RFX7: variants seen among roughly 807,000 people sequenced by gnomAD.
The protein encoded by RFX7 is DNA-binding protein RFX7.
A neutral mutation model predicts 111.8 loss-of-function variants in RFX7; 26 were observed. The observed-to-expected ratio is 0.23, with a 90% confidence interval of 0.17 to 0.32. The LOEUF is 0.32. RFX7 is among the 10% of genes least tolerant of loss of function. RFX7 has a pLI of 1.00. For synonymous variants in RFX7, 624 were observed against 624.4 expected (o/e 1.00, Z 0.01); for missense variants, 1,573 against 1,772.9 (o/e 0.89, Z 2.02).
At position 56,096,280 on chromosome 15, in the gene RFX7, C is replaced by G. The variant is rs751810871; in HGVS notation, c.1448G>C (p.Ser483Thr). 1.9e-6 allele frequency: 3 copies of G among 1,613,894 alleles called. No individual in the cohort carries two copies. In the South Asian group the frequency reaches 3.3e-5, roughly 18 times the overall value. The change falls in exon 10 of 10, where the codon AGC (serine) becomes ACC (threonine). Residue 483 changes from serine (S) to threonine (T), a missense_variant. By Grantham distance (58) the Ser-to-Thr change is moderately conservative (BLOSUM62 1). Transcript: ENST00000559447. ...ATGTTTAAGAGGGGTGTTACTGTTG[C>G]TGGGTGTGAGGGATATTGTTGTCAT... ...VKMTTISLTP[S>T]NSNTPLKHSA...
At chr15:56,125,430 A>G (rs2042129990) in intron 5 of RFX7, among the ~76,000 whole-genome samples, 1 of 152,118 alleles carries the variant, frequency 6.6e-6, no homozygotes, top group South Asian at 2.1e-4. Flanking sequence ...CAATCTGTAG[A>G]CTGCTCTGGG....
chr15:56,155,018 A>G (rs1470682372), intron 3 of RFX7, among the ~76,000 whole-genome samples: 1 of 152,212 alleles, frequency 6.6e-6, no homozygotes, highest in African/African-American at 2.4e-5. Flanking sequence ...CAACAGACAT[A>G]GGAAAAATGC....
intron 2 of RFX7, among the ~76,000 whole-genome samples, chr15:56,227,477 T>C (rs1415687741): frequency 2.0e-5 from 3 of 152,218 alleles, no homozygotes; most frequent in Admixed American, 1.3e-4. Context: ...TTTTATATGA[T>C]TCCATATTCT....
chr15:56,099,290 TAAC>T (rs1188603389), intron 8 of RFX7, among the ~76,000 whole-genome samples: 5 of 152,132 alleles, frequency 3.3e-5, no homozygotes, highest in South Asian at 4.1e-4. Context: ...TCATTCTAGT[TAAC>T]AACAACAACT....
At chr15:56,180,735 A>C (rs1447610700) in intron 2 of RFX7, among the ~76,000 whole-genome samples, 1 of 142,188 alleles carries the variant, frequency 7.0e-6, no homozygotes, top group African/African-American at 2.7e-5. Flanking sequence ...GTAAAACCCC[A>C]TATCTACTAA....
chr15:56,112,165 G>C (rs2041945413), intron 5 of RFX7, among the ~76,000 whole-genome samples: 1 of 150,662 alleles, frequency 6.6e-6, no homozygotes. Context: ...CTTTTCATTT[G>C]GCAGATGAGA....
chr15:56,129,985 T>G lies in RFX7; in HGVS notation c.401+12793A>C, dbSNP rs181301497. On this transcript the variant is annotated intron_variant, in intron 5 of 9. Transcript: ENST00000559447. ...CTGTAATACAGTTAATTTTCTTATA[T>G]GTACTTGCATTTGCCTAAAATTAAT... is the stretch of plus-strand genomic sequence containing the variant. Among the ~76,000 whole-genome samples the G allele has an allele frequency of 4.5e-3, 678 of 152,310 alleles. 4 individuals are homozygous for G. The highest frequency in any genetic ancestry group is 0.016 in the African/African-American group (657 of 41,570).
intron 2 of RFX7, among the ~76,000 whole-genome samples, chr15:56,180,127 C>T (rs1437445568): frequency 1.3e-5 from 2 of 152,138 alleles, no homozygotes; most frequent in Non-Finnish European, 2.9e-5. Flanking sequence ...AAATTGTCTT[C>T]TGTAAAAAGT....
intron 5 of RFX7, among the ~76,000 whole-genome samples, chr15:56,117,464 A>G (rs763411344): frequency 6.6e-6 from 1 of 152,224 alleles, no homozygotes; most frequent in Admixed American, 6.5e-5. Flanking sequence ...TAGCATATCT[A>G]TCATCTTAAA....
chr15:56,235,277 G>A (rs1378311006), intron 2 of RFX7, among the ~76,000 whole-genome samples: 2 of 151,892 alleles, frequency 1.3e-5, no homozygotes, highest in African/African-American at 4.8e-5. Flanking sequence ...CCAGGTTCAA[G>A]CGATTCTCCT....
At chr15:56,240,449 C>T (rs549954129) in intron 2 of RFX7, among the ~76,000 whole-genome samples, 1 of 152,212 alleles carries the variant, frequency 6.6e-6, no homozygotes, top group African/African-American at 2.4e-5. Context: ...TTTCCAGACT[C>T]ATTTAATGCC....
chr15:56,224,854 T>G (rs2043465339), intron 2 of RFX7, among the ~76,000 whole-genome samples: 1 of 152,120 alleles, frequency 6.6e-6, no homozygotes, highest in Non-Finnish European at 1.5e-5. Flanking sequence ...AACTATGTAT[T>G]CATCTGGAAT....
intron 4 of RFX7, among the ~76,000 whole-genome samples, chr15:56,143,186 C>T (rs1299106947): frequency 6.6e-6 from 1 of 152,082 alleles, no homozygotes; most frequent in Non-Finnish European, 1.5e-5. Flanking sequence ...GGTATCTGCT[C>T]ATGTACTTAC....
intron 2 of RFX7, chr15:56,189,840 G>A (rs2043082494): frequency 6.6e-6 from 1 of 152,160 alleles, no homozygotes; most frequent in Non-Finnish European, 1.5e-5. Flanking sequence ...CCTACCATAA[G>A]TATTTATCCA....
chr15:56,179,683 A>T (rs2042944076), intron 2 of RFX7, among the ~76,000 whole-genome samples: 1 of 151,966 alleles, frequency 6.6e-6, no homozygotes, highest in African/African-American at 2.4e-5. Flanking sequence ...AGCACTTAAA[A>T]GTCATAACGA....
Position 56,243,117 on chromosome 15 carries a change from C to G in RFX7, c.161+8G>C. On this transcript the variant is annotated splice_region_variant and intron_variant, in intron 2 of 9. Transcript: ENST00000559447. ...CTTTTTCACGCGAGCGATGGAGGAT[C>G]CTCTTACCAGATGGAGTTCTTGATC... The G allele has an allele frequency of 7.3e-7, 1 of 1,360,578 alleles. No individual in the cohort carries two copies. Among genetic ancestry groups the G allele is most frequent in the Non-Finnish European group, 9.8e-7 (1 of 1,019,474 alleles). 84.3% of individuals were successfully genotyped at this position (1,360,578 alleles called of 1,614,324 possible). A position where few individuals can be genotyped will look rare whatever the true frequency, so the allele number is the denominator to read the frequency against.
intron 2 of RFX7, among the ~76,000 whole-genome samples, chr15:56,218,944 C>T (rs546481489): frequency 6.6e-6 from 1 of 151,974 alleles, no homozygotes; most frequent in South Asian, 2.1e-4. Flanking sequence ...AGTGAATAAA[C>T]AAATGGAAAT....
chr15:56,208,606 C>T (rs2043279528), intron 2 of RFX7, among the ~76,000 whole-genome samples: 1 of 152,110 alleles, frequency 6.6e-6, no homozygotes, highest in African/African-American at 2.4e-5. Flanking sequence ...TTGCAATTAT[C>T]AGACCAGGAA....
rs1441938568 is a variant in RFX7, at chr15:56,164,285, TTCTGGTCCA to T, written c.195+14976_195+14984del. Among the ~76,000 whole-genome samples, 5 of 152,212 alleles carry T rather than the reference TTCTGGTCCA, an allele frequency of 3.3e-5. No homozygotes were observed. The South Asian group carries it at 6.2e-4, about 19-fold the overall frequency. On this transcript the variant is annotated intron_variant, in intron 3 of 9. Transcript: ENST00000559447. Reference sequence around the variant, plus strand: ...TAGCTGTGGGTCTCAAGTTTAGCCCTTCTGGTCCATCTACAGGGTCAGTAGCTGATTCCT... The same window carrying T: ...TAGCTGTGGGTCTCAAGTTTAGCCCTTCTACAGGGTCAGTAGCTGATTCCT...
Sources: allele counts gnomAD v4.1 joint callset (sites outside exome capture counted in the v4.1 genomes callset), GRCh38; gene constraint gnomAD v4.1.1; transcripts MANE v1.5; gene names NCBI Gene and HGNC (gene_info 2026-07-23, HGNC 2026-07-21).